Variants in LMO7 observed in about 807,000 individuals in gnomAD.
The protein encoded by LMO7 is LIM domain 7.
Under a neutral mutation model 206.5 loss-of-function variants are expected in LMO7, and 120 were observed. That is an observed-to-expected ratio of 0.58 (90% CI 0.50 to 0.68). The LOEUF is 0.68. Ranked by LOEUF, LMO7 falls within the 30% of genes least tolerant of loss-of-function variation. LMO7 has a pLI of 0.00. For synonymous variants in LMO7, 706 were observed against 681.5 expected (o/e 1.04, Z -0.56); for missense variants, 1,959 against 1,957.9 (o/e 1.00, Z -0.01).
intron 3 of LMO7, among the ~76,000 whole-genome samples, chr13:75,754,707 C>A (rs2047537175): frequency 6.6e-6 from 1 of 152,076 alleles, no homozygotes; most frequent in Admixed American, 6.5e-5. Flanking sequence ...ACTTACATTA[C>A]TGATGAAAGA....
intron 2 of LMO7, among the ~76,000 whole-genome samples, chr13:75,714,641 A>G (rs2043377710): frequency 6.6e-6 from 1 of 152,204 alleles, no homozygotes. Flanking sequence ...TCGTCTTCCA[A>G]TGTCACATTC....
chr13:75,807,577 A>G lies in LMO7; in HGVS notation c.1294A>G (p.Ile432Val), dbSNP rs78174524. 3 of 1,613,898 alleles carry G rather than the reference A, an allele frequency of 1.9e-6. No individual in the cohort carries two copies. The highest frequency in any genetic ancestry group is 1.6e-4 in the Middle Eastern group (1 of 6,084). The change falls in exon 10 of 31, where the codon ATA becomes GTA. Residue 432 changes from isoleucine to valine, a missense_variant. Ile to Val is a conservative substitution (Grantham distance 29, BLOSUM62 3). Transcript: ENST00000377534. ...KIDPTSGPRL[I>V]TRRKNLSYAP... ...TGATCCCACTTCTGGCCCAAGGCTC[A>G]TAACCCGCAGGAAGAATCTCTCTTA...
At chr13:75,701,858 A>AATAGG (rs1301632879) in intron 1 of LMO7, among the ~76,000 whole-genome samples, 4 of 152,184 alleles carry the variant, frequency 2.6e-5, no homozygotes, top group African/African-American at 9.7e-5. Flanking sequence ...CCTGGCCCCT[A>AATAGG]ATAGGACTCA....
intron 3 of LMO7, among the ~76,000 whole-genome samples, chr13:75,746,463 C>T (rs907151443): frequency 3.3e-4 from 50 of 152,066 alleles, no homozygotes; most frequent in African/African-American, 1.1e-3. Context: ...TGTGGGAAAC[C>T]CTCTAGAGGT....
chr13:75,779,991 A>G (rs1399228525), intron 4 of LMO7, among the ~76,000 whole-genome samples: 2 of 152,142 alleles, frequency 1.3e-5, no homozygotes, highest in African/African-American at 2.4e-5. Context: ...CAAAACCAGC[A>G]AGTTTTTGTT....
At chr13:75,764,234 A>G (rs186243548) in intron 4 of LMO7, among the ~76,000 whole-genome samples, 120 of 152,240 alleles carry the variant, frequency 7.9e-4, no homozygotes, top group African/African-American at 2.8e-3. Context: ...TGAATGGTAG[A>G]TTGAGATCTA....
At chr13:75,637,293 C>G (rs2036026276) in intron 1 of LMO7, among the ~76,000 whole-genome samples, 1 of 152,072 alleles carries the variant, frequency 6.6e-6, no homozygotes. Context: ...GGGTAGGGGC[C>G]GGGGCATGTG....
chr13:75,680,440 A>G (rs2040381840), intron 1 of LMO7, among the ~76,000 whole-genome samples: 1 of 152,124 alleles, frequency 6.6e-6, no homozygotes, highest in South Asian at 2.1e-4. Context: ...GTGAAATCAT[A>G]TTTCTGGTTC....
intron 1 of LMO7, among the ~76,000 whole-genome samples, chr13:75,652,511 T>A (rs2037677778): frequency 6.6e-6 from 1 of 152,144 alleles, no homozygotes; most frequent in Non-Finnish European, 1.5e-5. Flanking sequence ...CTTTTCTGAG[T>A]CTCTTTGCTC....
rs757503545 is a variant in LMO7 at position 75,841,838 on chromosome 13, A to T, written c.3886A>T (p.Arg1296Trp). Residue 1296 changes from arginine (R) to tryptophan (W), a missense_variant, in exon 24 of 31, where the codon AGG becomes TGG. Arg to Trp is a moderately radical substitution (Grantham distance 101). Transcript: ENST00000377534. ...PQDQLVIERERKWEQQLQEEQ... is the reference protein window; with the variant it reads ...PQDQLVIEREWKWEQQLQEEQ... Reference sequence around the variant, plus strand: ...GGATCAGCTTGTTATTGAGAGAGAGAGGAAATGGGAGCAACAGCTTCAGGA... The same window carrying T: ...GGATCAGCTTGTTATTGAGAGAGAGTGGAAATGGGAGCAACAGCTTCAGGA... The T allele has an allele frequency of 2.5e-6, 4 of 1,614,064 alleles. No individual in the cohort carries two copies. In the East Asian group the frequency reaches 8.9e-5, roughly 36 times the overall value.
chr13:75,821,426 A>C lies in LMO7; in HGVS notation c.2457A>C (p.Glu819Asp), dbSNP rs527587105. 1.2e-6 allele frequency: 2 copies of C among 1,614,194 alleles called. No individual in the cohort carries two copies. Among genetic ancestry groups the C allele is most frequent in the East Asian group, 2.2e-5 (1 of 44,870 alleles). Residue 819 changes from glutamate to aspartate, a missense_variant, in exon 14 of 31, where the codon GAA (glutamate) becomes GAC (aspartate). Physicochemically the swap from Glu to Asp is conservative, Grantham distance 45 (BLOSUM62 2). Coordinates refer to ENST00000377534, the MANE Select transcript of LMO7 (RefSeq NM_001306080.2). ...IQLPSQSPVE[E>D]QSPASLSSLR... The stretch of plus-strand genomic sequence containing the variant: ...TTCCTTCTCAAAGTCCTGTGGAAGA[A>C]CAAAGCCCAGCCTCTTTGTCTTCTC...
At chr13:75,769,823 A>G (rs2049393104) in intron 4 of LMO7, among the ~76,000 whole-genome samples, 1 of 152,234 alleles carries the variant, frequency 6.6e-6, no homozygotes, top group Non-Finnish European at 1.5e-5. Context: ...GTTTCATTAC[A>G]TTATAGTAAT....
At chr13:75,856,427 T>G in intron 29 of LMO7, 79 bp from the exon 30 acceptor site, 1 of 814,130 alleles carries the variant, frequency 1.2e-6, no homozygotes. Context: ...ATTCTGCTCA[T>G]TTCCCCCCCA....
chr13:75,714,918 C>T (rs1207626558), intron 2 of LMO7, among the ~76,000 whole-genome samples: 1 of 151,926 alleles, frequency 6.6e-6, no homozygotes, highest in East Asian at 1.9e-4. Flanking sequence ...ACCATACACC[C>T]CACAAGTCTA....
At chr13:75,634,793 G>C (rs2035530644), upstream of LMO7, among the ~76,000 whole-genome samples, 1 of 151,744 alleles carries the variant, frequency 6.6e-6, no homozygotes, top group Non-Finnish European at 1.5e-5. Context: ...TGGATCACCT[G>C]AGGTCAGTTC....
chr13:75,723,549 T>C (rs1461590272), intron 2 of LMO7, among the ~76,000 whole-genome samples: 2 of 152,202 alleles, frequency 1.3e-5, no homozygotes, highest in African/African-American at 4.8e-5. Context: ...TTCTGGACAC[T>C]ATTAGAAATA....
chr13:75,830,207 A>G (rs2058526538), intron 15 of LMO7, among the ~76,000 whole-genome samples: 2 of 152,200 alleles, frequency 1.3e-5, no homozygotes, highest in African/African-American at 4.8e-5. Flanking sequence ...AATTATAGAT[A>G]TGTTCACTTG....
At chr13:75,735,731 C>A (rs2045759758) in intron 3 of LMO7, among the ~76,000 whole-genome samples, 1 of 151,574 alleles carries the variant, frequency 6.6e-6, no homozygotes, top group African/African-American at 2.4e-5. Flanking sequence ...GCCTCGGCCT[C>A]CCAAAGTGCT....
intron 4 of LMO7, among the ~76,000 whole-genome samples, chr13:75,761,279 G>A (rs966889318): frequency 3.3e-5 from 5 of 152,014 alleles, no homozygotes; most frequent in African/African-American, 1.2e-4. Context: ...CGACAAAAAT[G>A]GTAGTGTTAA....
Sources: gnomAD v4.1 joint callset for allele counts (sites outside exome capture counted in the v4.1 genomes callset) on GRCh38, gnomAD v4.1.1 for gene constraint, MANE v1.5 for transcripts, NCBI Gene and HGNC (gene_info 2026-07-23, HGNC 2026-07-21) for gene names.